IL4R: variants seen among roughly 807,000 people sequenced by gnomAD.
IL4R encodes interleukin 4 receptor.
IL4R carries 17 observed loss-of-function variants against 41.5 expected under a neutral mutation model. That is an observed-to-expected ratio of 0.41 (90% CI 0.28 to 0.61). IL4R has a LOEUF of 0.61. IL4R is among the 20% of genes least tolerant of loss of function. The probability of loss-of-function intolerance (pLI) is 0.31; values close to 1 mark genes in which losing one functional copy is unlikely to be tolerated. For missense variants in IL4R, 974 were observed against 1,043.1 expected, an observed-to-expected ratio of 0.93 and a Z score of 0.91; for synonymous variants, 402 against 422.9, an observed-to-expected ratio of 0.95 and a Z score of 0.61.
chr16:27,338,191 G>A (rs184858975), intron 2 of IL4R, among the ~76,000 whole-genome samples: 6 of 151,176 alleles, frequency 4.0e-5, no homozygotes, highest in Admixed American at 2.0e-4. Context: ...TCCTGACCTC[G>A]TGATCCGCCC....
At chr16:27,337,054 G>T (rs566700783) in intron 2 of IL4R, among the ~76,000 whole-genome samples, 2 of 152,256 alleles carry the variant, frequency 1.3e-5, no homozygotes, top group Admixed American at 1.3e-4. Flanking sequence ...TCCAGCCTGG[G>T]CAACAAGAGT....
intron 1 of IL4R, among the ~76,000 whole-genome samples, chr16:27,323,652 A>G (rs538037356): frequency 6.6e-6 from 1 of 151,706 alleles, no homozygotes; most frequent in East Asian, 1.9e-4. Flanking sequence ...GTGAGGCTCA[A>G]GGGCTTCTTT....
intron 1 of IL4R, 90 bp downstream of exon 1, chr16:27,314,110 G>GCGGGGACCA (rs932638873): frequency 1.5e-5 from 15 of 985,128 alleles, no homozygotes; most frequent in Middle Eastern, 5.2e-4. Flanking sequence ...TCGGCCGCCG[G>GCGGGGACCA]CGGGGACCAC....
intron 1 of IL4R, among the ~76,000 whole-genome samples, chr16:27,317,990 G>A (rs1365113703): frequency 6.6e-6 from 1 of 152,194 alleles, no homozygotes; most frequent in Non-Finnish European, 1.5e-5. Context: ...CAAGTCCTTT[G>A]CTCTCCTGGG....
chr16:27,356,444 T>C (rs1049225928), intron 8 of IL4R, among the ~76,000 whole-genome samples: 2 of 152,132 alleles, frequency 1.3e-5, no homozygotes, highest in Non-Finnish European at 2.9e-5. Flanking sequence ...AAAATACATA[T>C]CAATCACAAA....
At chr16:27,330,778 T>C (rs933616256) in intron 2 of IL4R, among the ~76,000 whole-genome samples, 5 of 152,148 alleles carry the variant, frequency 3.3e-5, no homozygotes, top group African/African-American at 1.2e-4. Context: ...ATTTCAAGTA[T>C]GTTACATAAA....
chr16:27,320,188 G>A (rs2084773156), intron 1 of IL4R, among the ~76,000 whole-genome samples: 1 of 152,150 alleles, frequency 6.6e-6, no homozygotes, highest in Admixed American at 6.6e-5. Context: ...CTTCTTATGA[G>A]ACTCTAATGC....
At chr16:27,339,224 C>G (rs1382079333) in intron 2 of IL4R, among the ~76,000 whole-genome samples, 2 of 152,122 alleles carry the variant, frequency 1.3e-5, no homozygotes, top group Admixed American at 1.3e-4. Flanking sequence ...CTAGGCTGGT[C>G]TCAAACCCCT....
At chr16:27,318,689 G>A (rs886872635) in intron 1 of IL4R, 2 of 152,396 alleles carry the variant, frequency 1.3e-5, no homozygotes, top group South Asian at 2.1e-4. Flanking sequence ...TCTGAGGTCT[G>A]CGCTAAAGCC....
chr16:27,334,031 C>T (rs1981551), intron 2 of IL4R, among the ~76,000 whole-genome samples: 40,091 of 151,662 alleles, frequency 0.26, 5,626 homozygotes, highest in East Asian at 0.37. Flanking sequence ...TACAGGCACC[C>T]GCCACCACGC....
rs778243651 is a variant in IL4R at position 27,344,916 on chromosome 16, G to A, written c.257G>A (p.Cys86Tyr). The stretch of plus-strand genomic sequence containing the variant: ...AACAACGGAGGCGCGGGGTGCGTGT[G>A]CCACCTGCTCATGGATGACGTGGTC... ...PENNGGAGCV[C>Y]HLLMDDVVSA... The change falls in exon 5 of 11, where the codon TGC becomes TAC. Residue 86 changes from cysteine to tyrosine, a missense_variant. Around this residue, in one of 3 missense-constraint regions of IL4R, gnomAD observed 284 missense variants for 313.4 expected, o/e 0.91. Coordinates refer to ENST00000395762, the MANE Select transcript of IL4R (RefSeq NM_000418.4). 8.1e-6 allele frequency: 13 copies of A among 1,614,224 alleles called. No individual in the cohort carries two copies. The highest frequency in any genetic ancestry group is 1.1e-5 in the Non-Finnish European group (13 of 1,180,040).
chr16:27,337,868 G>A (rs1303678022), intron 2 of IL4R, among the ~76,000 whole-genome samples: 1 of 151,354 alleles, frequency 6.6e-6, no homozygotes, highest in African/African-American at 2.4e-5. Context: ...CACACTTTTT[G>A]GAGGGTATTT....
At chr16:27,334,162 G>A (rs961850344) in intron 2 of IL4R, among the ~76,000 whole-genome samples, 9 of 152,136 alleles carry the variant, frequency 5.9e-5, no homozygotes, top group East Asian at 5.8e-4. Context: ...GATTACAGGC[G>A]TGAGCCACCG....
intron 2 of IL4R, among the ~76,000 whole-genome samples, chr16:27,335,588 G>A (rs985445527): frequency 5.3e-5 from 8 of 152,070 alleles, no homozygotes; most frequent in African/African-American, 1.7e-4. Flanking sequence ...AACTCCAAGG[G>A]TTACAAGTGG....
chr16:27,337,056 A>G (rs2085282079), intron 2 of IL4R, among the ~76,000 whole-genome samples: 1 of 152,150 alleles, frequency 6.6e-6, no homozygotes, highest in African/African-American at 2.4e-5. Context: ...CAGCCTGGGC[A>G]ACAAGAGTGA....
At chr16:27,316,920 T>TTTAA (rs2084667713) in intron 1 of IL4R, among the ~76,000 whole-genome samples, 1 of 151,722 alleles carries the variant, frequency 6.6e-6, no homozygotes, top group African/African-American at 2.4e-5. Flanking sequence ...TTTTTTTTTT[T>TTTAA]AGAGCCATGG....
chr16:27,316,274 G>T (rs997991810), intron 1 of IL4R, among the ~76,000 whole-genome samples: 1 of 152,204 alleles, frequency 6.6e-6, no homozygotes, highest in African/African-American at 2.4e-5. Flanking sequence ...GGAGGCTGAG[G>T]TGGGAGGATG....
rs533865105 is a variant in IL4R, at chr16:27,360,790, C to T, written c.874C>T (p.Arg292Ter). The T allele has an allele frequency of 3.7e-6, 6 of 1,614,136 alleles. No individual in the cohort carries two copies. Among genetic ancestry groups the T allele is most frequent in the African/African-American group, 1.3e-5 (1 of 75,044 alleles). Residue 292 changes from arginine to a stop codon, truncating the protein, a stop_gained, in exon 10 of 11, where the codon CGA becomes TGA. Transcript: ENST00000395762. LOFTEE classifies it low-confidence loss of function (END_TRUNC). ...GGGGTCACAGTGGGAGAAGCGGTCC[C>T]GAGGCCAGGAACCAGCCAAGTGCCC... Reference protein sequence around the residue: ...AQGSQWEKRSRGQEPAKCPHW... With the variant: ...AQGSQWEKRS
intron 1 of IL4R, 188 bp downstream of exon 1, chr16:27,314,208 G>C (rs2084556611): frequency 2.7e-6 from 2 of 742,536 alleles, no homozygotes; most frequent in Non-Finnish European, 3.3e-6. Flanking sequence ...GCCGCCGAAC[G>C]GCAGCGGAGG....
Sources: allele counts gnomAD v4.1 joint callset (sites outside exome capture counted in the v4.1 genomes callset), GRCh38; gene constraint gnomAD v4.1.1; regional missense constraint gnomAD v4.1.1; transcripts MANE v1.5; gene names NCBI Gene and HGNC (gene_info 2026-07-23, HGNC 2026-07-21).